The following CPLX1 variants were observed in gnomAD, a reference collection of about 807,000 sequenced individuals.
CPLX1 encodes the protein complexin-1.
CPLX1 carries 6 observed loss-of-function variants against 15.6 expected under a neutral mutation model. The ratio of observed to expected loss-of-function variants is 0.39; its 90% CI spans 0.21 to 0.76. The LOEUF (loss-of-function observed/expected upper bound fraction) is 0.76, where lower values mean the gene tolerates loss of function less well. Ranked by LOEUF, CPLX1 falls within the 30% of genes least tolerant of loss-of-function variation. CPLX1 has a pLI of 0.43. For missense variants in CPLX1, 242 were observed against 188.6 expected (o/e 1.28, Z -1.66); for synonymous variants, 91 against 75.2 (o/e 1.21, Z -1.08).
At chr4:806,678 A>T (rs1047957711) in intron 2 of CPLX1, among the ~76,000 whole-genome samples, 1 of 152,156 alleles carries the variant, frequency 6.6e-6, no homozygotes, top group Non-Finnish European at 1.5e-5. Flanking sequence ...ATCTACAAGG[A>T]ACCCAAACGA....
At chr4:810,613 T>C (rs1427547523) in intron 2 of CPLX1, among the ~76,000 whole-genome samples, 1 of 152,240 alleles carries the variant, frequency 6.6e-6, no homozygotes, top group African/African-American at 2.4e-5. Flanking sequence ...CATCTTCATA[T>C]ATCCTTAATA....
At chr4:824,861 C>T (rs1165012089) in intron 1 of CPLX1, 1 of 497,744 alleles carries the variant, frequency 2.0e-6, no homozygotes, top group East Asian at 4.5e-5. Context: ...GGGGGCATCG[C>T]TCAGAGGCGC....
At chr4:804,667 T>G in intron 2 of CPLX1, 1 of 910,798 alleles carries the variant, frequency 1.1e-6, no homozygotes, top group Non-Finnish European at 1.3e-6. Flanking sequence ...TTTGTTCTTT[T>G]TGGGGCTTTG....
intron 2 of CPLX1, among the ~76,000 whole-genome samples, chr4:823,145 T>C (rs1380373887): frequency 6.6e-6 from 1 of 152,196 alleles, no homozygotes. Flanking sequence ...TAATTAATTA[T>C]CCGTAACAGC....
chr4:788,528 G>A (rs1289291163), intron 3 of CPLX1: 16 of 985,360 alleles, frequency 1.6e-5, no homozygotes, highest in Non-Finnish European at 1.9e-5. Flanking sequence ...GAAGAGCACA[G>A]GGTAGGAACG....
Position 825,720 on chromosome 4 carries a change from C to T in CPLX1, c.-80+326G>A, listed in dbSNP as rs374081220. The stretch of plus-strand genomic sequence containing the variant: ...TCAGCACCGCGGCAGTGGACAGCGC[C>T]CGCCCCGGACCCCGCGCGCGCGGAG... On this transcript the variant is annotated intron_variant, in intron 1 of 3. Transcript: ENST00000304062. Among the ~76,000 whole-genome samples the T allele has an allele frequency of 2.1e-3, 308 of 149,790 alleles. 7 individuals carry two copies. In the South Asian group the frequency reaches 0.062, roughly 30 times the overall value.
rs375531599 is a variant in CPLX1 at position 823,354 on chromosome 4, T to C, written c.31+1138A>G. On this transcript the variant is annotated intron_variant, in intron 2 of 3. Transcript: ENST00000304062. ...GTGTTGAGTGGAAGCACAGCCACCC[T>C]CCGGGAGACAGCCAGGCAGGCAGCT... Among the ~76,000 whole-genome samples, 308 of 152,198 alleles carry C rather than the reference T, an allele frequency of 2.0e-3. 8 individuals carry two copies. In the South Asian group the frequency reaches 0.061, roughly 30 times the overall value.
At chr4:790,159 G>A (rs1253978980) in intron 3 of CPLX1, among the ~76,000 whole-genome samples, 5 of 152,232 alleles carry the variant, frequency 3.3e-5, no homozygotes, top group African/African-American at 7.2e-5. Context: ...AGGTGTGGAC[G>A]TGGGGTCCGG....
chr4:822,057 A>G (rs986659431), intron 2 of CPLX1, among the ~76,000 whole-genome samples: 1 of 151,882 alleles, frequency 6.6e-6, no homozygotes, highest in Non-Finnish European at 1.5e-5. Context: ...TTAGCAGTTC[A>G]TTTCTAATGC....
intron 3 of CPLX1, among the ~76,000 whole-genome samples, chr4:791,058 C>A (rs1746157258): frequency 6.6e-6 from 1 of 152,064 alleles, no homozygotes; most frequent in Non-Finnish European, 1.5e-5. Flanking sequence ...TCCTCCTGTC[C>A]CCGTCTCCCG....
intron 3 of CPLX1, chr4:788,289 G>A: frequency 4.1e-6 from 4 of 985,316 alleles, no homozygotes; most frequent in Non-Finnish European, 3.6e-6. Context: ...ACCCCACCGA[G>A]GGCAGTCTCG....
At chr4:797,469 A>G (rs1746363751) in intron 2 of CPLX1, among the ~76,000 whole-genome samples, 1 of 152,180 alleles carries the variant, frequency 6.6e-6, no homozygotes, top group Non-Finnish European at 1.5e-5. Flanking sequence ...CCAGGATTAC[A>G]GGCGTCTGCC....
chr4:808,045 C>T (rs1037993156), intron 2 of CPLX1, among the ~76,000 whole-genome samples: 4 of 152,084 alleles, frequency 2.6e-5, no homozygotes, highest in Non-Finnish European at 5.9e-5. Context: ...GTGGCTGGAT[C>T]GCTTGAGCCC....
At chr4:809,927 G>A (rs138349524) in intron 2 of CPLX1, among the ~76,000 whole-genome samples, 182 of 152,300 alleles carry the variant, frequency 1.2e-3, no homozygotes, top group Non-Finnish European at 2.1e-3. Flanking sequence ...CACACCAGCA[G>A]CTCACCCCTC....
At chr4:792,057 C>T (rs1746191849) in intron 3 of CPLX1, among the ~76,000 whole-genome samples, 2 of 152,164 alleles carry the variant, frequency 1.3e-5, no homozygotes, top group Admixed American at 6.5e-5. Context: ...GGGTGCCCCC[C>T]TCCCTGAGTC....
At chr4:794,160 G>A (rs1276825351) in intron 2 of CPLX1, among the ~76,000 whole-genome samples, 4 of 152,262 alleles carry the variant, frequency 2.6e-5, no homozygotes, top group South Asian at 2.1e-4. Context: ...TGGAAGGCCC[G>A]AGCTGTTGGT....
At chr4:788,231 G>A (rs55636227) in intron 3 of CPLX1, 48,397 of 985,224 alleles carry the variant, frequency 0.049, 1,336 homozygotes, top group Middle Eastern at 0.066. Flanking sequence ...CTCCAAGGAG[G>A]CCCCTCCTTC....
At chr4:808,794 T>C (rs1746604001) in intron 2 of CPLX1, among the ~76,000 whole-genome samples, 2 of 152,252 alleles carry the variant, frequency 1.3e-5, no homozygotes, top group South Asian at 4.1e-4. Flanking sequence ...AAATGGATTG[T>C]CTTTAAAACC....
intron 3 of CPLX1, among the ~76,000 whole-genome samples, chr4:790,271 G>A (rs950508046): frequency 6.6e-5 from 10 of 152,244 alleles, no homozygotes; most frequent in Non-Finnish European, 1.3e-4. Context: ...GGGCAAGTGT[G>A]TGGCCTCAAT....
Sources: allele counts gnomAD v4.1 joint callset (sites outside exome capture counted in the v4.1 genomes callset), GRCh38; gene constraint gnomAD v4.1.1; transcripts MANE v1.5; gene names NCBI Gene and HGNC (gene_info 2026-07-23, HGNC 2026-07-21).